Variants in WWOX observed in about 807,000 individuals in gnomAD.
WWOX encodes the protein WW domain-containing oxidoreductase.
A neutral mutation model predicts 46.2 loss-of-function variants in WWOX; 69 were observed. The observed-to-expected ratio is 1.49, with a 90% CI of 1.23 to 1.82. The LOEUF (loss-of-function observed/expected upper bound fraction) is 1.82, where lower values mean the gene tolerates loss of function less well. WWOX is among the 40% of genes most tolerant of loss of function. The pLI is 0.00. For synonymous variants in WWOX, 359 were observed against 202.6 expected (o/e 1.77, Z -6.56); for missense variants, 919 against 542.6 (o/e 1.69, Z -6.89).
At chr16:78,538,249 G>T (rs573047995) in intron 8 of WWOX, among the ~76,000 whole-genome samples, 6 of 147,392 alleles carry the variant, frequency 4.1e-5, no homozygotes, top group African/African-American at 1.0e-4. Context: ...AAAAAAAAGC[G>T]GGGCAAGGGG....
chr16:78,708,781 A>T (rs1216619139), intron 8 of WWOX, among the ~76,000 whole-genome samples: 2 of 152,226 alleles, frequency 1.3e-5, no homozygotes, highest in African/African-American at 4.8e-5. Flanking sequence ...TGACAGAGGC[A>T]TAAGGCTCCT....
At chr16:79,161,072 G>T (rs74035096) in intron 8 of WWOX, among the ~76,000 whole-genome samples, 1 of 152,034 alleles carries the variant, frequency 6.6e-6, no homozygotes, top group Non-Finnish European at 1.5e-5. Context: ...TCACTTTTCC[G>T]CACAAACACC....
intron 8 of WWOX, among the ~76,000 whole-genome samples, chr16:79,068,820 CAATAATAATAATAATAATAAT>C (rs61494401): frequency 2.9e-5 from 4 of 138,554 alleles, no homozygotes; most frequent in Admixed American, 1.5e-4. Flanking sequence ...CAAAAAAACC[CAATAATAATAATAATAATAAT>C]AATAATAATA....
At chr16:78,614,169 A>G (rs567693727) in intron 8 of WWOX, among the ~76,000 whole-genome samples, 2 of 152,334 alleles carry the variant, frequency 1.3e-5, no homozygotes, top group South Asian at 2.1e-4. Flanking sequence ...GGGACAAACA[A>G]CTTCTGTCAG....
rs146284490 is a variant in WWOX at position 78,720,060 on chromosome 16, A to G, written c.1056+287308A>G. Among the ~76,000 whole-genome samples, 830 of 152,330 alleles carry G rather than the reference A, an allele frequency of 5.4e-3. 3 individuals are homozygous for G. Among genetic ancestry groups the G allele is most frequent in the Non-Finnish European group, 8.4e-3 (572 of 68,028 alleles). On this transcript the variant is annotated intron_variant, in intron 8 of 8. Transcript: ENST00000566780. ...TATGAAATGACTGTTTTCAGAAAAC[A>G]ACGATTTCAATTTAATCGTATTGTT...
At chr16:79,157,374 G>T (rs1196488503) in intron 8 of WWOX, among the ~76,000 whole-genome samples, 3 of 151,422 alleles carry the variant, frequency 2.0e-5, no homozygotes, top group African/African-American at 7.3e-5. Context: ...AGTGAGCCTT[G>T]GTCAAGTCTC....
At chr16:78,354,931 C>T (rs11861356) in intron 5 of WWOX, among the ~76,000 whole-genome samples, 57,487 of 151,918 alleles carry the variant, frequency 0.38, 12,195 homozygotes, top group Non-Finnish European at 0.49. Context: ...GTCAGGAATT[C>T]AAGACTACTG....
chr16:78,899,825 T>G (rs1328074938), intron 8 of WWOX, among the ~76,000 whole-genome samples: 1 of 152,186 alleles, frequency 6.6e-6, no homozygotes, highest in Non-Finnish European at 1.5e-5. Flanking sequence ...AACTAGCGCG[T>G]GGTCTGTTTT....
At chr16:79,024,291 C>A (rs984024256) in intron 8 of WWOX, among the ~76,000 whole-genome samples, 2 of 152,166 alleles carry the variant, frequency 1.3e-5, no homozygotes, top group Non-Finnish European at 1.5e-5. Flanking sequence ...CAGGGCCTTA[C>A]GCTGCTGCGT....
intron 8 of WWOX, among the ~76,000 whole-genome samples, chr16:78,668,759 A>G (rs2548836): frequency 0.62 from 94,525 of 151,814 alleles, 29,716 homozygotes; most frequent in South Asian, 0.69. Context: ...GGGGAATAAA[A>G]GGAAGAAAGT....
In WWOX at chr16:78,101,445, C is replaced by G. The variant is rs1341282498; in HGVS notation, c.107+1560C>G. On this transcript the variant is annotated intron_variant, in intron 1 of 8. Transcript: ENST00000566780. Reference sequence around the variant, plus strand: ...CACTGCAACCTCTGCATGCCGAGTTCAAGCGATTCTCGTGTCTCAGCCTCC... The same window carrying G: ...CACTGCAACCTCTGCATGCCGAGTTGAAGCGATTCTCGTGTCTCAGCCTCC... 2.7e-5 allele frequency among the ~76,000 whole-genome samples: 4 copies of G among 149,522 alleles called. No homozygotes were observed. The Admixed American group carries it at 2.7e-4, about 10-fold the overall frequency.
intron 8 of WWOX, among the ~76,000 whole-genome samples, chr16:78,665,990 A>G (rs1215975421): frequency 2.0e-5 from 3 of 151,786 alleles, no homozygotes. Context: ...TGGCCAAGAT[A>G]CTGAGATGTG....
At chr16:78,468,395 C>T (rs144236508) in intron 8 of WWOX, among the ~76,000 whole-genome samples, 1,837 of 151,764 alleles carry the variant, frequency 0.012, 23 homozygotes, top group African/African-American at 0.015. Context: ...ATTGTTGCAA[C>T]GGCAAAAAAG....
chr16:78,152,663 G>A (rs2034458574), intron 4 of WWOX, among the ~76,000 whole-genome samples: 1 of 152,124 alleles, frequency 6.6e-6, no homozygotes, highest in Admixed American at 6.5e-5. Context: ...TTCCTAACCA[G>A]GACTGTCACT....
intron 8 of WWOX, among the ~76,000 whole-genome samples, chr16:78,720,761 G>T (rs1011637245): frequency 6.6e-6 from 1 of 151,998 alleles, no homozygotes; most frequent in Non-Finnish European, 1.5e-5. Context: ...AGAATTTAGG[G>T]TTATTCTCAA....
chr16:79,103,305 G>C (rs1473852057), intron 8 of WWOX, among the ~76,000 whole-genome samples: 1 of 152,158 alleles, frequency 6.6e-6, no homozygotes, highest in Non-Finnish European at 1.5e-5. Flanking sequence ...TGAAGTGACT[G>C]TTCTCCTCCC....
In WWOX at chr16:78,863,444, G is replaced by A. The variant is rs1597076391; in HGVS notation, c.1057-348164G>A. Among the ~76,000 whole-genome samples the A allele has an allele frequency of 8.5e-5, 13 of 152,234 alleles. No homozygotes were observed. In the South Asian group the frequency reaches 2.7e-3, roughly 32 times the overall value. On this transcript the variant is annotated intron_variant, in intron 8 of 8. Coordinates refer to ENST00000566780, the MANE Select transcript of WWOX (RefSeq NM_016373.4). ...TAATATGCAGCATTATATTCCATTT[G>A]TACCTGGGAAGAGGGTACTTGTCTT...
In WWOX at chr16:78,891,929, G is replaced by A. The variant is rs958391163; in HGVS notation, c.1057-319679G>A. On this transcript the variant is annotated intron_variant, in intron 8 of 8. Transcript: ENST00000566780. ...TTTCCGGAGTTTGCTTCAGTTCTTT[G>A]ATATGGTCAGTGTAGGTCGGGGAGG... 2.6e-5 allele frequency: 4 copies of A among 152,156 alleles called. No individual in the cohort carries two copies. The South Asian group carries it at 8.3e-4, about 31-fold the overall frequency. 9.4% of individuals were successfully genotyped at this position (152,156 alleles called of 1,614,324 possible). A position where few individuals can be genotyped will look rare whatever the true frequency, so the allele number is the denominator to read the frequency against.
chr16:78,733,854 C>G lies in WWOX; in HGVS notation c.1056+301102C>G, dbSNP rs546652111. Among the ~76,000 whole-genome samples, 5 of 152,060 alleles carry G rather than the reference C, an allele frequency of 3.3e-5. No homozygotes were observed. In the East Asian group the frequency reaches 7.8e-4, roughly 24 times the overall value. ...TCCAAGGCAAGAGGATCACTTGAGC[C>G]CAGGATTTCGAGACCAACCTGGACA... On this transcript the variant is annotated intron_variant, in intron 8 of 8. Transcript: ENST00000566780.
Sources: allele counts gnomAD v4.1 joint callset (sites outside exome capture counted in the v4.1 genomes callset), GRCh38; gene constraint gnomAD v4.1.1; transcripts MANE v1.5; gene names NCBI Gene and HGNC (gene_info 2026-07-23, HGNC 2026-07-21).